The following PEBP4 variants were observed in gnomAD, a reference collection of about 807,000 sequenced individuals.
PEBP4 encodes phosphatidylethanolamine-binding protein 4.
A neutral mutation model predicts 23.9 loss-of-function variants in PEBP4; 22 were observed. That is an observed-to-expected ratio of 0.92 (90% CI 0.66 to 1.31). PEBP4 has a LOEUF of 1.31. Ranked by LOEUF, PEBP4 falls within the 40% of genes most tolerant of loss-of-function variation. The probability of loss-of-function intolerance (pLI) is 0.00; values close to 1 mark genes in which losing one functional copy is unlikely to be tolerated. For synonymous variants in PEBP4, 112 were observed against 99.3 expected, an observed-to-expected ratio of 1.13 and a Z score of -0.76; for missense variants, 324 against 281.7, an observed-to-expected ratio of 1.15 and a Z score of -1.07.
chr8:22,787,089 G>T (rs958930185), intron 4 of PEBP4, among the ~76,000 whole-genome samples: 4 of 152,220 alleles, frequency 2.6e-5, no homozygotes, highest in African/African-American at 9.6e-5. Context: ...TCCCAAGAGT[G>T]CTGGGATTAC....
At chr8:22,850,484 G>A (rs1028254549) in intron 3 of PEBP4, among the ~76,000 whole-genome samples, 5 of 152,188 alleles carry the variant, frequency 3.3e-5, no homozygotes, top group African/African-American at 1.2e-4. Context: ...CAGGTGAGGC[G>A]GGAGCTGTGA....
intron 4 of PEBP4, among the ~76,000 whole-genome samples, chr8:22,765,243 A>C (rs1234362279): frequency 5.3e-5 from 8 of 151,968 alleles, no homozygotes. Flanking sequence ...TCTCATGTTC[A>C]AGCGATTCTC....
intron 3 of PEBP4, among the ~76,000 whole-genome samples, chr8:22,894,734 G>T (rs1174849750): frequency 6.6e-6 from 1 of 152,218 alleles, no homozygotes; most frequent in Non-Finnish European, 1.5e-5. Context: ...CCAGCAGGTT[G>T]TAGAATTACA....
intron 4 of PEBP4, among the ~76,000 whole-genome samples, chr8:22,762,865 G>A (rs1294492730): frequency 1.3e-5 from 2 of 152,112 alleles, no homozygotes; most frequent in Admixed American, 6.5e-5. Context: ...AGCTGCCTGC[G>A]GTCAGGACTG....
At chr8:22,813,472 C>G (rs10105387) in intron 4 of PEBP4, among the ~76,000 whole-genome samples, 3,011 of 152,128 alleles carry the variant, frequency 0.02, 98 homozygotes, top group African/African-American at 0.069. Flanking sequence ...TTCAATATCC[C>G]CATTAACAAT....
At chr8:22,784,532 A>ACCTC (rs1370732862) in intron 4 of PEBP4, among the ~76,000 whole-genome samples, 1 of 151,990 alleles carries the variant, frequency 6.6e-6, no homozygotes, top group African/African-American at 2.4e-5. Flanking sequence ...CCTGTAGCCA[A>ACCTC]CCTCCCGACC....
chr8:22,928,072 A>T (rs375123352), upstream of PEBP4, among the ~76,000 whole-genome samples: 4 of 152,388 alleles, frequency 2.6e-5, no homozygotes, highest in South Asian at 4.1e-4. Flanking sequence ...CTCCTTGTCC[A>T]GTCCCTGCTG....
chr8:22,827,618 A>T (rs112693436), intron 3 of PEBP4, among the ~76,000 whole-genome samples: 1 of 152,146 alleles, frequency 6.6e-6, no homozygotes, highest in African/African-American at 2.4e-5. Context: ...ATGGATAGAG[A>T]CCACATTTGT....
chr8:22,737,350 C>T (rs906084042), intron 4 of PEBP4, among the ~76,000 whole-genome samples: 5 of 151,934 alleles, frequency 3.3e-5, no homozygotes, highest in African/African-American at 4.8e-5. Context: ...AGGCTTCCAC[C>T]TGCCCCAGCC....
chr8:22,915,226 C>T (rs956806227), intron 3 of PEBP4, among the ~76,000 whole-genome samples: 1 of 152,042 alleles, frequency 6.6e-6, no homozygotes, highest in African/African-American at 2.4e-5. Flanking sequence ...GCTGGAGTGA[C>T]CTTCCCAAAT....
At position 22,750,048 on chromosome 8, in the gene PEBP4, C is replaced by T. The variant is rs184347267; in HGVS notation, c.358-22828G>A. ...CTCGAACTCCCGACCTCATGTGATC[C>T]GCCTGCCTCGGCCTCCCAAAGTGCT... is the stretch of plus-strand genomic sequence containing the variant. On this transcript the variant is annotated intron_variant, in intron 4 of 6. Coordinates refer to ENST00000256404, the MANE Select transcript of PEBP4 (RefSeq NM_144962.3). Among the ~76,000 whole-genome samples the T allele has an allele frequency of 2.2e-4, 33 of 152,158 alleles. No individual in the cohort carries two copies. The East Asian group carries it at 5.0e-3, about 23-fold the overall frequency.
At position 22,927,676 on chromosome 8, in the gene PEBP4, T is replaced by C. The variant is rs1231424115; in HGVS notation, c.39A>G (p.Leu13=). The change falls in exon 2 of 7, where the codon TTA becomes TTG. Residue 13 remains leucine (L), a synonymous_variant. Transcript: ENST00000256404. The part of the protein sequence containing the change: ...WTMRLVTAAL[L]LGLMMVVTGD... Reference sequence around the variant, plus strand: ...CAGTGACCACCATCATGAGACCCAGTAACAGTGCTGCTGTGACCAGCCTCA... The same window carrying C: ...CAGTGACCACCATCATGAGACCCAGCAACAGTGCTGCTGTGACCAGCCTCA... 1.8e-5 allele frequency: 29 copies of C among 1,613,836 alleles called. No homozygotes were observed. Among genetic ancestry groups the C allele is most frequent in the Non-Finnish European group, 2.4e-5 (28 of 1,179,890 alleles).
chr8:22,900,656 C>CAA (rs111459741), intron 3 of PEBP4, among the ~76,000 whole-genome samples: 2,479 of 134,332 alleles, frequency 0.018, 32 homozygotes, highest in South Asian at 0.034. Context: ...ACTCTGTCTC[C>CAA]AAAAAAAAAA....
At chr8:22,802,189 C>T (rs1806398412) in intron 4 of PEBP4, among the ~76,000 whole-genome samples, 1 of 152,200 alleles carries the variant, frequency 6.6e-6, no homozygotes. Flanking sequence ...GTTGCTCTCT[C>T]CCGACTCTGG....
intron 4 of PEBP4, chr8:22,758,067 G>T (rs1012125501): frequency 1.6e-4 from 25 of 152,368 alleles, no homozygotes; most frequent in African/African-American, 5.3e-4. Context: ...AAAAAATGGG[G>T]ACTCTAACTC....
intron 1 of PEBP4, among the ~76,000 whole-genome samples, chr8:22,940,372 G>A (rs1809593309): frequency 6.6e-6 from 1 of 152,128 alleles, no homozygotes; most frequent in South Asian, 2.1e-4. Flanking sequence ...AATGTTTGAG[G>A]CTCATAGATA....
intron 4 of PEBP4, among the ~76,000 whole-genome samples, chr8:22,782,356 T>C (rs1419091847): frequency 6.6e-6 from 1 of 152,202 alleles, no homozygotes; most frequent in African/African-American, 2.4e-5. Context: ...CTCTCCCTCA[T>C]TCATTCAACA....
At chr8:22,725,007 G>A (rs773930973) in intron 5 of PEBP4, 51 bp from the exon 6 acceptor site, 6 of 1,482,122 alleles carry the variant, frequency 4.0e-6, no homozygotes, top group East Asian at 4.5e-5. Context: ...ATACTACCGA[G>A]GGCAGAGCTC....
At chr8:22,836,868 GA>G (rs1807215218) in intron 3 of PEBP4, among the ~76,000 whole-genome samples, 1 of 151,670 alleles carries the variant, frequency 6.6e-6, no homozygotes, top group African/African-American at 2.4e-5. Flanking sequence ...GAGAGAAGAG[GA>G]AACTGATGGA....
Sources: gnomAD v4.1 joint callset for allele counts (sites outside exome capture counted in the v4.1 genomes callset) on GRCh38, gnomAD v4.1.1 for gene constraint, MANE v1.5 for transcripts, NCBI Gene and HGNC (gene_info 2026-07-23, HGNC 2026-07-21) for gene names.